Variants in AUTS2 observed in about 807,000 individuals in gnomAD.
AUTS2 encodes activator of transcription and developmental regulator AUTS2.
A neutral mutation model predicts 112.4 loss-of-function variants in AUTS2; 17 were observed. That is an observed-to-expected ratio of 0.15 (90% confidence interval 0.10 to 0.23). The LOEUF (loss-of-function observed/expected upper bound fraction) is 0.23, where lower values mean the gene tolerates loss of function less well. AUTS2 is among the 10% of genes least tolerant of loss of function. The pLI, the probability that AUTS2 is intolerant of heterozygous loss-of-function variation, is 1.00. For missense variants in AUTS2, 1,510 were observed against 1,701.6 expected, an observed-to-expected ratio of 0.89 and a Z score of 1.98; for synonymous variants, 751 against 702.7, an observed-to-expected ratio of 1.07 and a Z score of -1.09.
intron 2 of AUTS2, among the ~76,000 whole-genome samples, chr7:70,043,349 T>C (rs2129558088): frequency 6.6e-6 from 1 of 152,152 alleles, no homozygotes; most frequent in Middle Eastern, 3.4e-3. Context: ...CCTTGAATAA[T>C]ACAGAAACGT....
At chr7:70,065,645 C>T (rs753588029) in intron 2 of AUTS2, among the ~76,000 whole-genome samples, 15 of 151,942 alleles carry the variant, frequency 9.9e-5, no homozygotes, top group Non-Finnish European at 1.8e-4. Flanking sequence ...TATGGTGAGC[C>T]GAGATGGTGC....
rs192325797 is a variant in AUTS2, at chr7:69,816,633, A to G, written c.310-82653A>G. On this transcript the variant is annotated intron_variant, in intron 1 of 18. Coordinates refer to ENST00000342771, the MANE Select transcript of AUTS2 (RefSeq NM_015570.4). Reference sequence around the variant, plus strand: ...CTTTTGACCCAGTTGACTGATAACTATAGAGTACTTTACAGTTTACCAAGA... The same window carrying G: ...CTTTTGACCCAGTTGACTGATAACTGTAGAGTACTTTACAGTTTACCAAGA... 2.6e-3 allele frequency among the ~76,000 whole-genome samples: 394 copies of G among 152,346 alleles called. 1 individual carries two copies. Among genetic ancestry groups the G allele is most frequent in the Middle Eastern group, 0.01 (3 of 294 alleles).
intron 4 of AUTS2, among the ~76,000 whole-genome samples, chr7:70,337,905 C>T (rs1448438609): frequency 1.3e-5 from 2 of 152,162 alleles, no homozygotes; most frequent in South Asian, 2.1e-4. Flanking sequence ...AATGGGCTTG[C>T]AGTGTAGTGT....
At chr7:70,680,413 C>T (rs1468443495) in intron 5 of AUTS2, among the ~76,000 whole-genome samples, 1 of 152,172 alleles carries the variant, frequency 6.6e-6, no homozygotes, top group Non-Finnish European at 1.5e-5. Context: ...TAATCCAGTA[C>T]AGTATTCATT....
intron 2 of AUTS2, among the ~76,000 whole-genome samples, chr7:69,983,663 AG>A (rs755492966): frequency 9.2e-5 from 14 of 152,308 alleles, no homozygotes; most frequent in Non-Finnish European, 1.6e-4. Context: ...AGAAAGATAA[AG>A]GCATTTTTAT....
chr7:69,699,396 C>T (rs1047736990), intron 1 of AUTS2, among the ~76,000 whole-genome samples: 59 of 152,204 alleles, frequency 3.9e-4, no homozygotes, highest in Admixed American at 7.8e-4. Flanking sequence ...TGTATGCTCT[C>T]GCTTTTTCTG....
intron 1 of AUTS2, among the ~76,000 whole-genome samples, chr7:69,840,686 A>G (rs1353536887): frequency 6.6e-6 from 1 of 152,214 alleles, no homozygotes; most frequent in East Asian, 1.9e-4. Context: ...GAGGAGAGAA[A>G]GAGACAGACA....
intron 2 of AUTS2, among the ~76,000 whole-genome samples, chr7:70,086,564 C>T (rs1348901090): frequency 5.4e-5 from 8 of 148,374 alleles, no homozygotes; most frequent in Non-Finnish European, 1.0e-4. Context: ...TTGCTTGAAC[C>T]TGGGAAACGA....
At chr7:69,662,514 A>G (rs186068290) in intron 1 of AUTS2, among the ~76,000 whole-genome samples, 3 of 152,304 alleles carry the variant, frequency 2.0e-5, no homozygotes, top group Admixed American at 6.5e-5. Flanking sequence ...TAGGTTGCCA[A>G]GTGAGGGACA....
At chr7:69,821,763 A>G (rs1791006289) in intron 1 of AUTS2, among the ~76,000 whole-genome samples, 1 of 152,028 alleles carries the variant, frequency 6.6e-6, no homozygotes, top group Non-Finnish European at 1.5e-5. Flanking sequence ...AGTGAGACCA[A>G]GAACCCACCA....
chr7:70,111,813 TG>T, intron 2 of AUTS2, among the ~76,000 whole-genome samples: 1 of 152,178 alleles, frequency 6.6e-6, no homozygotes, highest in East Asian at 1.9e-4. Flanking sequence ...AAAGTATCAC[TG>T]TAGAATGTTT....
At chr7:70,715,067 C>T (rs77403211) in intron 6 of AUTS2, among the ~76,000 whole-genome samples, 2,661 of 152,296 alleles carry the variant, frequency 0.017, 45 homozygotes, top group East Asian at 0.062. Flanking sequence ...TGAAATTCTT[C>T]AGTACAATGG....
intron 5 of AUTS2, among the ~76,000 whole-genome samples, chr7:70,665,391 G>T (rs867592095): frequency 3.9e-5 from 6 of 151,974 alleles, no homozygotes; most frequent in Admixed American, 6.5e-5. Context: ...AGTCTCCTGA[G>T]TAGCCGAGAC....
At chr7:70,490,094 A>C (rs1208612859) in intron 5 of AUTS2, among the ~76,000 whole-genome samples, 1 of 148,584 alleles carries the variant, frequency 6.7e-6, no homozygotes, top group Non-Finnish European at 1.5e-5. Flanking sequence ...GTCTAAAATA[A>C]ATCAAAATTC....
At chr7:69,920,314 AG>A (rs1368216619) in intron 2 of AUTS2, among the ~76,000 whole-genome samples, 1 of 150,304 alleles carries the variant, frequency 6.7e-6, no homozygotes, top group African/African-American at 2.5e-5. Context: ...TTTTTTAGAG[AG>A]GGGGTCTTGC....
chr7:69,936,405 A>C (rs1796412586), intron 2 of AUTS2, among the ~76,000 whole-genome samples: 1 of 152,016 alleles, frequency 6.6e-6, no homozygotes, highest in Non-Finnish European at 1.5e-5. Flanking sequence ...GCTGGAGTGC[A>C]GTGGCGTGAT....
At chr7:70,535,777 C>T (rs1356733428) in intron 5 of AUTS2, among the ~76,000 whole-genome samples, 1 of 152,168 alleles carries the variant, frequency 6.6e-6, no homozygotes, top group Non-Finnish European at 1.5e-5. Flanking sequence ...CACTGGTGGA[C>T]CACACTGGCT....
intron 5 of AUTS2, among the ~76,000 whole-genome samples, chr7:70,671,045 G>A (rs1387848173): frequency 6.6e-6 from 1 of 152,194 alleles, no homozygotes; most frequent in Non-Finnish European, 1.5e-5. Context: ...GGTGGCGCAC[G>A]CCTGTGATCC....
intron 1 of AUTS2, among the ~76,000 whole-genome samples, chr7:69,880,104 C>T (rs577606097): frequency 4.6e-5 from 7 of 152,252 alleles, no homozygotes; most frequent in South Asian, 2.1e-4. Context: ...TTCAGGAAAT[C>T]TTCATTCATG....
Sources: allele counts gnomAD v4.1 joint callset (sites outside exome capture counted in the v4.1 genomes callset), GRCh38; gene constraint gnomAD v4.1.1; transcripts MANE v1.5; gene names NCBI Gene and HGNC (gene_info 2026-07-23, HGNC 2026-07-21).